The following SLC39A8 variants were observed in gnomAD, a reference collection of about 807,000 sequenced individuals.
SLC39A8 encodes the protein solute carrier family 39 member 8.
In SLC39A8, 15 loss-of-function variants were observed where a neutral mutation model predicts 40.4. The ratio of observed to expected loss-of-function variants is 0.37; its 90% CI spans 0.25 to 0.57. SLC39A8 has a LOEUF of 0.57. SLC39A8 is among the 20% of genes least tolerant of loss of function. The probability of loss-of-function intolerance (pLI) is 0.75; values close to 1 mark genes in which losing one functional copy is unlikely to be tolerated. For missense variants in SLC39A8, 472 were observed against 558.8 expected (o/e 0.84, Z 1.57); for synonymous variants, 223 against 221.6 (o/e 1.01, Z -0.06).
chr4:102,275,440 A>AAT (rs1194441001), intron 6 of SLC39A8, among the ~76,000 whole-genome samples: 1 of 152,060 alleles, frequency 6.6e-6, no homozygotes, highest in Non-Finnish European at 1.5e-5. Context: ...AACTATACTA[A>AAT]ATATATATAT....
At chr4:102,323,497 A>C (rs1735051940) in intron 2 of SLC39A8, among the ~76,000 whole-genome samples, 1 of 152,248 alleles carries the variant, frequency 6.6e-6, no homozygotes, top group Non-Finnish European at 1.5e-5. Flanking sequence ...ATACACAAAA[A>C]AATTAATGGA....
At chr4:102,297,394 G>A (rs540603132) in intron 6 of SLC39A8, among the ~76,000 whole-genome samples, 2 of 152,212 alleles carry the variant, frequency 1.3e-5, no homozygotes, top group South Asian at 2.1e-4. Flanking sequence ...GCCTCACAGG[G>A]TTGTTACTGT....
Position 102,344,861 on chromosome 4 carries a change from C to T in SLC39A8, c.-199G>A. Reference sequence around the variant, plus strand: ...CGCGACCTGCGGGGCATTGAAGTGGCAGCGTAGCCGAGGGGAGCGATAGGC... The same window carrying T: ...CGCGACCTGCGGGGCATTGAAGTGGTAGCGTAGCCGAGGGGAGCGATAGGC... On this transcript the variant is annotated 5_prime_UTR_variant, in exon 2 of 9. Coordinates refer to ENST00000356736, the MANE Select transcript of SLC39A8 (RefSeq NM_001135146.2). The T allele has an allele frequency of 7.6e-7, 1 of 1,311,668 alleles. No homozygotes were observed. The highest frequency in any genetic ancestry group is 9.7e-7 in the Non-Finnish European group (1 of 1,035,790). 81.3% of individuals were successfully genotyped at this position (1,311,668 alleles called of 1,614,324 possible).
chr4:102,308,872 C>T lies in SLC39A8; in HGVS notation c.383-1267G>A, dbSNP rs149646415. ...CTCACAAAACCCTGTAAGAGAAATACTACTACCTCCTTCATACAGTTGGGG... is the reference window on the plus strand; with the variant it reads ...CTCACAAAACCCTGTAAGAGAAATATTACTACCTCCTTCATACAGTTGGGG... On this transcript the variant is annotated intron_variant, in intron 3 of 8. Coordinates refer to ENST00000356736, the MANE Select transcript of SLC39A8 (RefSeq NM_001135146.2). Among the ~76,000 whole-genome samples the T allele has an allele frequency of 2.6e-5, 4 of 152,190 alleles. No individual in the cohort carries two copies. In the East Asian group the frequency reaches 5.8e-4, roughly 22 times the overall value.
At chr4:102,285,643 G>GTGTA (rs1228884140) in intron 6 of SLC39A8, among the ~76,000 whole-genome samples, 3 of 151,858 alleles carry the variant, frequency 2.0e-5, no homozygotes, top group East Asian at 3.9e-4. Context: ...GTGTGTGTGT[G>GTGTA]TGTGCATGTG....
chr4:102,292,425 T>C (rs1039125908), intron 6 of SLC39A8, among the ~76,000 whole-genome samples: 8 of 152,136 alleles, frequency 5.3e-5, no homozygotes, highest in African/African-American at 1.4e-4. Flanking sequence ...CAAACTGCCA[T>C]GGAGGCCCTG....
intron 2 of SLC39A8, among the ~76,000 whole-genome samples, chr4:102,343,835 T>C (rs72926732): frequency 0.035 from 5,305 of 152,238 alleles, 312 homozygotes; most frequent in African/African-American, 0.12. Context: ...GAATCAAATA[T>C]TTGACCTGAC....
chr4:102,301,807 T>C (rs998472054), intron 6 of SLC39A8, among the ~76,000 whole-genome samples: 4 of 152,050 alleles, frequency 2.6e-5, no homozygotes, highest in African/African-American at 7.2e-5. Context: ...AATATAACTT[T>C]GGAGAAGTTA....
rs1474659998 is a variant in SLC39A8 at position 102,262,854 on chromosome 4, A to G, written c.*190T>C. 1 of 1,360,868 alleles carries G rather than the reference A, an allele frequency of 7.3e-7. No individual in the cohort carries two copies. Among genetic ancestry groups the G allele is most frequent in the Non-Finnish European group, 9.4e-7 (1 of 1,059,600 alleles). The allele number at this position is 1,360,868 out of a possible 1,614,324, so 84.3% of individuals were successfully genotyped here. On this transcript the variant is annotated 3_prime_UTR_variant, in exon 9 of 9. Transcript: ENST00000356736. ...CCAGGCATCTCAGACTGACACTGAA[A>G]ACCTTTTGAAGCATTTTTAACAACA...
chr4:102,299,316 A>T (rs535901089), intron 6 of SLC39A8, among the ~76,000 whole-genome samples: 19 of 150,794 alleles, frequency 1.3e-4, no homozygotes, highest in African/African-American at 3.4e-4. Flanking sequence ...AAAAAAAAAG[A>T]GTGCTTTCCA....
At chr4:102,266,505 A>C (rs1732103509) in intron 8 of SLC39A8, among the ~76,000 whole-genome samples, 1 of 152,202 alleles carries the variant, frequency 6.6e-6, no homozygotes, top group African/African-American at 2.4e-5. Flanking sequence ...AATGCAAAAG[A>C]AATAGTCCTT....
intron 6 of SLC39A8, among the ~76,000 whole-genome samples, chr4:102,279,492 C>G (rs567282844): frequency 2.0e-5 from 3 of 152,044 alleles, no homozygotes. Context: ...AAAATAGCAA[C>G]GATCCCCCAA....
At chr4:102,337,385 G>A (rs1439814287) in intron 2 of SLC39A8, among the ~76,000 whole-genome samples, 8 of 152,176 alleles carry the variant, frequency 5.3e-5, no homozygotes, top group African/African-American at 1.9e-4. Context: ...AATAAATCAT[G>A]GAAAGCATAA....
intron 2 of SLC39A8, among the ~76,000 whole-genome samples, chr4:102,334,991 G>C (rs1434650873): frequency 6.6e-6 from 1 of 152,166 alleles, no homozygotes; most frequent in Non-Finnish European, 1.5e-5. Flanking sequence ...ATTCTTACTA[G>C]GACAGGACCT....
chr4:102,272,379 C>A (rs1294807507), intron 6 of SLC39A8, among the ~76,000 whole-genome samples: 1 of 151,376 alleles, frequency 6.6e-6, no homozygotes, highest in Middle Eastern at 3.2e-3. Flanking sequence ...ACAGAGCTTG[C>A]AGTGAGCCGA....
intron 2 of SLC39A8, among the ~76,000 whole-genome samples, chr4:102,327,232 G>C (rs551973384): frequency 1.3e-5 from 2 of 152,318 alleles, no homozygotes; most frequent in African/African-American, 4.8e-5. Flanking sequence ...CTGCAATCCA[G>C]CCTGGGTGAC....
intron 3 of SLC39A8, among the ~76,000 whole-genome samples, chr4:102,309,300 C>T (rs1330018118): frequency 6.6e-6 from 1 of 152,028 alleles, no homozygotes; most frequent in Non-Finnish European, 1.5e-5. Context: ...ATGAAAAGGT[C>T]AGATTATAAA....
In SLC39A8 at chr4:102,279,237, AC is replaced by A. The variant is rs1014117637; in HGVS notation, c.841-11159del. Among the ~76,000 whole-genome samples, 8 of 152,224 alleles carry A rather than the reference AC, an allele frequency of 5.3e-5. No individual in the cohort carries two copies. In the Middle Eastern group the frequency reaches 0.014, roughly 259 times the overall value. On this transcript the variant is annotated intron_variant, in intron 6 of 8. Coordinates refer to ENST00000356736, the MANE Select transcript of SLC39A8 (RefSeq NM_001135146.2). Reference sequence around the variant, plus strand: ...TACTGTCCAAGGCAGTAATTCTTATACCAGGAAACATGGTCATTTTCTGATT... The same window carrying A: ...TACTGTCCAAGGCAGTAATTCTTATACAGGAAACATGGTCATTTTCTGATT...
At chr4:102,274,467 T>C (rs997772420) in intron 6 of SLC39A8, among the ~76,000 whole-genome samples, 1 of 152,162 alleles carries the variant, frequency 6.6e-6, no homozygotes, top group African/African-American at 2.4e-5. Flanking sequence ...AGACCAAACC[T>C]ACGTTTGATT....
Sources: allele counts gnomAD v4.1 joint callset (sites outside exome capture counted in the v4.1 genomes callset), GRCh38; gene constraint gnomAD v4.1.1; transcripts MANE v1.5; gene names NCBI Gene and HGNC (gene_info 2026-07-23, HGNC 2026-07-21).